The following UBE2U variants were observed in gnomAD, a reference collection of about 807,000 sequenced individuals.
UBE2U encodes the protein ubiquitin conjugating enzyme E2 U, also known as ubiquitin-conjugating enzyme E2 U.
Under a neutral mutation model 41.2 loss-of-function variants are expected in UBE2U, and 39 were observed. The observed-to-expected ratio is 0.95, with a 90% CI of 0.73 to 1.24. The LOEUF is 1.24. UBE2U is among the 50% of genes most tolerant of loss of function. The probability of loss-of-function intolerance (pLI) is 0.00; values close to 1 mark genes in which losing one functional copy is unlikely to be tolerated. For synonymous variants in UBE2U, 107 were observed against 117.8 expected (o/e 0.91, Z 0.60); for missense variants, 336 against 363.1 (o/e 0.93, Z 0.61).
At chr1:64,210,875 C>CTT in intron 4 of UBE2U, 36 bp downstream of exon 4, 1 of 1,405,648 alleles carries the variant, frequency 7.1e-7, no homozygotes, top group South Asian at 1.3e-5. Flanking sequence ...CTCTTTAATA[C>CTT]TTTTAATTAC....
chr1:64,242,503 C>A (rs1406167834), intron 8 of UBE2U, among the ~76,000 whole-genome samples: 1 of 152,070 alleles, frequency 6.6e-6, no homozygotes, highest in East Asian at 1.9e-4. Flanking sequence ...TACTGTTAAC[C>A]AAGTGCCCTC....
chr1:64,248,455 T>C (rs1363189832), intron 8 of UBE2U, among the ~76,000 whole-genome samples: 1 of 152,224 alleles, frequency 6.6e-6, no homozygotes, highest in Non-Finnish European at 1.5e-5. Flanking sequence ...GTAAGTTTTA[T>C]TCTTCTTATT....
At chr1:64,206,325 C>T (rs1651293667) in intron 2 of UBE2U, among the ~76,000 whole-genome samples, 1 of 151,862 alleles carries the variant, frequency 6.6e-6, no homozygotes, top group South Asian at 2.1e-4. Context: ...GTTAATTATG[C>T]CTGAGGGAGT....
intron 8 of UBE2U, among the ~76,000 whole-genome samples, chr1:64,255,803 T>C (rs918378130): frequency 2.0e-5 from 3 of 152,074 alleles, no homozygotes; most frequent in African/African-American, 4.8e-5. Context: ...GGTATTCAAA[T>C]AGGAAGAGAG....
chr1:64,260,188 GC>G (rs1645159801), intron 8 of UBE2U, among the ~76,000 whole-genome samples: 1 of 152,096 alleles, frequency 6.6e-6, no homozygotes, highest in South Asian at 2.1e-4. Context: ...AGGGAGGGAG[GC>G]CCTGCTGCCA....
At chr1:64,263,279 G>A (rs1645207145) in intron 9 of UBE2U, among the ~76,000 whole-genome samples, 1 of 152,044 alleles carries the variant, frequency 6.6e-6, no homozygotes, top group African/African-American at 2.4e-5. Context: ...CTTGTGCCTT[G>A]ACTTTGAGCT....
intron 6 of UBE2U, among the ~76,000 whole-genome samples, chr1:64,221,916 T>C (rs1348405481): frequency 6.6e-6 from 1 of 151,596 alleles, no homozygotes; most frequent in African/African-American, 2.4e-5. Context: ...GAAACCTGTC[T>C]CTACTAAAAA....
chr1:64,207,490 A>G (rs1461722085), intron 3 of UBE2U, among the ~76,000 whole-genome samples: 3 of 152,148 alleles, frequency 2.0e-5, no homozygotes, highest in Non-Finnish European at 4.4e-5. Context: ...GCATTATTAA[A>G]CAGTCTTCAA....
At chr1:64,204,704 T>A (rs1446277495) in intron 1 of UBE2U, among the ~76,000 whole-genome samples, 1 of 152,152 alleles carries the variant, frequency 6.6e-6, no homozygotes, top group African/African-American at 2.4e-5. Flanking sequence ...ACAGGCTGAT[T>A]TACGGAAAAT....
intron 6 of UBE2U, among the ~76,000 whole-genome samples, chr1:64,224,440 G>A (rs184737209): frequency 6.6e-5 from 10 of 152,164 alleles, no homozygotes; most frequent in East Asian, 1.9e-4. Context: ...AAAAGTAAGC[G>A]GGCCGGGTGC....
chr1:64,214,873 T>C lies in UBE2U; in HGVS notation c.398T>C (p.Leu133Pro), dbSNP rs745607176. The C allele has an allele frequency of 6.2e-7, 1 of 1,614,218 alleles. No individual in the cohort carries two copies. The highest frequency in any genetic ancestry group is 8.5e-7 in the Non-Finnish European group (1 of 1,180,022). Residue 133 changes from leucine to proline, a missense_variant, in exon 5 of 10, where the codon CTG (leucine) becomes CCG (proline). Coordinates refer to ENST00000371077, the MANE Select transcript of UBE2U (RefSeq NM_001366232.2). ...NPVNLEAARI[L>P]VKDESLYRTI... ...GTGAATTTGGAAGCAGCCAGAATAC[T>C]GGTTAAAGATGAATCTCTGTACAGA...
chr1:64,218,750 A>G (rs1242785630), intron 5 of UBE2U, among the ~76,000 whole-genome samples: 2 of 152,204 alleles, frequency 1.3e-5, no homozygotes, highest in African/African-American at 2.4e-5. Context: ...GACTTTATAA[A>G]TACTTGCCAC....
intron 8 of UBE2U, among the ~76,000 whole-genome samples, chr1:64,257,305 T>G (rs1464858080): frequency 6.6e-6 from 1 of 152,084 alleles, no homozygotes; most frequent in Non-Finnish European, 1.5e-5. Context: ...TAAGGACACA[T>G]GCATGCCTAT....
chr1:64,214,333 C>A (rs1392183509), intron 4 of UBE2U, among the ~76,000 whole-genome samples: 1 of 152,114 alleles, frequency 6.6e-6, no homozygotes. Context: ...ATGTAAATAA[C>A]CACCTGTGAC....
intron 7 of UBE2U, among the ~76,000 whole-genome samples, chr1:64,236,869 T>C (rs894008218): frequency 1.6e-4 from 24 of 152,200 alleles, no homozygotes; most frequent in Non-Finnish European, 1.9e-4. Flanking sequence ...GAGAACCACC[T>C]GAGGAGCTTG....
At chr1:64,261,050 T>C (rs376232924) in intron 9 of UBE2U, among the ~76,000 whole-genome samples, 32 of 152,292 alleles carry the variant, frequency 2.1e-4, no homozygotes, top group African/African-American at 7.0e-4. Context: ...TATTCAAAGG[T>C]ATATGCAATA....
chr1:64,225,963 T>C (rs993158374), intron 6 of UBE2U, among the ~76,000 whole-genome samples: 4 of 152,246 alleles, frequency 2.6e-5, no homozygotes, highest in East Asian at 3.8e-4. Context: ...TTAAGTTTCT[T>C]ATAATGTCAA....
chr1:64,249,377 CAAAAA>C (rs71584441), intron 8 of UBE2U, among the ~76,000 whole-genome samples: 1 of 67,366 alleles, frequency 1.5e-5, no homozygotes, highest in African/African-American at 5.8e-5. Flanking sequence ...GACTCTGTCT[CAAAAA>C]AAAAAAAAAA....
intron 3 of UBE2U, among the ~76,000 whole-genome samples, chr1:64,208,363 T>G (rs759924138): frequency 6.6e-6 from 1 of 151,936 alleles, no homozygotes; most frequent in Non-Finnish European, 1.5e-5. Flanking sequence ...TCCCAGTACT[T>G]TGGGTGGTCA....
Sources: gnomAD v4.1 joint callset for allele counts (sites outside exome capture counted in the v4.1 genomes callset) on GRCh38, gnomAD v4.1.1 for gene constraint, MANE v1.5 for transcripts, NCBI Gene and HGNC (gene_info 2026-07-23, HGNC 2026-07-21) for gene names.